The following AMN1 variants were observed in gnomAD, a reference collection of about 807,000 sequenced individuals.
AMN1 encodes antagonist of mitotic exit network 1 homolog.
A neutral mutation model predicts 33.0 loss-of-function variants in AMN1; 20 were observed. The ratio of observed to expected loss-of-function variants is 0.61; its 90% CI spans 0.43 to 0.88. The LOEUF is 0.88. Among genes scored for constraint, AMN1 ranks in the 40% least tolerant of loss-of-function variants. AMN1 has a pLI of 0.00. For synonymous variants in AMN1, 114 were observed against 111.9 expected, an observed-to-expected ratio of 1.02 and a Z score of -0.12; for missense variants, 246 against 307.4, an observed-to-expected ratio of 0.80 and a Z score of 1.49.
At position 31,683,956 on chromosome 12, in the gene AMN1, G is replaced by A. The variant is rs998427651; in HGVS notation, c.703+5051C>T. 3.9e-5 allele frequency among the ~76,000 whole-genome samples: 6 copies of A among 152,154 alleles called. No homozygotes were observed. The highest frequency in any genetic ancestry group is 3.8e-4 in the East Asian group (2 of 5,202). On this transcript the variant is annotated intron_variant, in intron 6 of 6. Coordinates refer to ENST00000281471, the MANE Select transcript of AMN1 (RefSeq NM_001113402.2). This position sits in a 1 kb window ranked among gnomAD's most constrained non-coding sequence, Gnocchi z 4.1. ...CTTTCAAGTGAATTTTGGAAGCCTCGTAGCTGCCACTGTGATCTTGAAAGC... is the reference window on the plus strand; with the variant it reads ...CTTTCAAGTGAATTTTGGAAGCCTCATAGCTGCCACTGTGATCTTGAAAGC...
In AMN1 at chr12:31,709,275, A is replaced by C; in HGVS notation, c.171+18T>G. Reference sequence around the variant, plus strand: ...AGAAAATATAATATGCTTGCTTTACAGTTATTCATACTCTTACCTCACTTA... The same window carrying C: ...AGAAAATATAATATGCTTGCTTTACCGTTATTCATACTCTTACCTCACTTA... On this transcript the variant is annotated intron_variant, in intron 2 of 6. Coordinates refer to ENST00000281471, the MANE Select transcript of AMN1 (RefSeq NM_001113402.2). 6.2e-7 allele frequency: 1 copy of C among 1,611,174 alleles called. No individual in the cohort carries two copies. The highest frequency in any genetic ancestry group is 8.5e-7 in the Non-Finnish European group (1 of 1,178,310).
At chr12:31,696,100 G>A (rs1186761940) in intron 5 of AMN1, among the ~76,000 whole-genome samples, 1 of 151,744 alleles carries the variant, frequency 6.6e-6, no homozygotes, top group Non-Finnish European at 1.5e-5. Flanking sequence ...AGCTGGATGT[G>A]GTGGCACATG....
intron 1 of AMN1, among the ~76,000 whole-genome samples, chr12:31,719,993 ATG>A (rs2139727896): frequency 6.6e-6 from 1 of 152,332 alleles, no homozygotes; most frequent in East Asian, 1.9e-4. Flanking sequence ...TGATACATGT[ATG>A]TGTGTATATA....
intron 1 of AMN1, among the ~76,000 whole-genome samples, chr12:31,713,037 A>T (rs1463242153): frequency 6.6e-6 from 1 of 152,108 alleles, no homozygotes; most frequent in African/African-American, 2.4e-5. Context: ...TTTCTTTTGG[A>T]TATTTACCCA....
intron 1 of AMN1, among the ~76,000 whole-genome samples, chr12:31,716,178 A>G (rs1434121404): frequency 6.6e-6 from 1 of 152,176 alleles, no homozygotes; most frequent in Non-Finnish European, 1.5e-5. Context: ...GTAGCTATAG[A>G]TTATTCATTT....
intron 3 of AMN1, among the ~76,000 whole-genome samples, chr12:31,698,382 A>G (rs1254146364): frequency 6.6e-6 from 1 of 152,224 alleles, no homozygotes; most frequent in Non-Finnish European, 1.5e-5. Flanking sequence ...CATGATCTTC[A>G]TGCTTGCGGT....
intron 1 of AMN1, among the ~76,000 whole-genome samples, chr12:31,727,054 CA>C (rs1940103876): frequency 6.6e-6 from 1 of 152,122 alleles, no homozygotes; most frequent in Admixed American, 6.5e-5. Context: ...ATGGTTTTGC[CA>C]TGTTGCCTAG....
intron 1 of AMN1, among the ~76,000 whole-genome samples, chr12:31,718,162 T>C (rs539185497): frequency 5.3e-5 from 8 of 152,124 alleles, no homozygotes; most frequent in South Asian, 2.1e-4. Flanking sequence ...TTTCAGTAAG[T>C]TGATCTTCAA....
At chr12:31,701,816 G>C (rs1939015487) in intron 3 of AMN1, 47 bp downstream of exon 3, 2 of 1,490,326 alleles carry the variant, frequency 1.3e-6, no homozygotes, top group Non-Finnish European at 1.8e-6. Flanking sequence ...AATTTTACCA[G>C]ATAGTGAATA....
chr12:31,674,430 C>T (rs1196350407), intron 6 of AMN1, among the ~76,000 whole-genome samples: 1 of 151,414 alleles, frequency 6.6e-6, no homozygotes, highest in Non-Finnish European at 1.5e-5. Context: ...AAGTGGGCAT[C>T]ATTGAGCACA....
chr12:31,692,839 ATTTTAATT>A (rs1938561754), intron 5 of AMN1, among the ~76,000 whole-genome samples: 1 of 152,188 alleles, frequency 6.6e-6, no homozygotes, highest in Admixed American at 6.5e-5. Flanking sequence ...AGCAAATTAA[ATTTTAATT>A]ATAAGGATTA....
Position 31,689,077 on chromosome 12 carries a change from A to G in AMN1, c.633T>C (p.Ala211=), listed in dbSNP as rs1274489365. 6.2e-7 allele frequency: 1 copy of G among 1,613,532 alleles called. No homozygotes were observed. Among genetic ancestry groups the G allele is most frequent in the Non-Finnish European group, 8.5e-7 (1 of 1,179,718 alleles). ...MGHCVNLTDG[A]VEAVLTYCPQ... ...GACAGTAAGTAAGGACAGCTTCGAC[A>G]GCCCCATCAGTCAGATTTACACAAT... The change falls in exon 6 of 7, where the codon GCT becomes GCC. Residue 211 remains alanine (A), a synonymous_variant. Transcript: ENST00000281471.
chr12:31,681,525 G>A (rs912809155), intron 6 of AMN1, among the ~76,000 whole-genome samples: 11 of 150,920 alleles, frequency 7.3e-5, no homozygotes, highest in Admixed American at 5.3e-4. Flanking sequence ...CACCATGCCC[G>A]GCCTCTTGCA....
Position 31,691,653 on chromosome 12 carries a change from T to G in AMN1, c.592-2535A>C, listed in dbSNP as rs1191135508. Reference sequence around the variant, plus strand: ...ATATTATGAAGCTATTATGTAAAATTTGAAAGCATATAAAACAAGGCTATA... The same window carrying G: ...ATATTATGAAGCTATTATGTAAAATGTGAAAGCATATAAAACAAGGCTATA... On this transcript the variant is annotated intron_variant, in intron 5 of 6. Coordinates refer to ENST00000281471, the MANE Select transcript of AMN1 (RefSeq NM_001113402.2). Among the ~76,000 whole-genome samples, 3 of 152,070 alleles carry G rather than the reference T, an allele frequency of 2.0e-5. No individual in the cohort carries two copies. In the East Asian group the frequency reaches 5.8e-4, roughly 29 times the overall value.
chr12:31,724,826 G>A (rs1016054373), intron 1 of AMN1, among the ~76,000 whole-genome samples: 1 of 152,190 alleles, frequency 6.6e-6, no homozygotes, highest in African/African-American at 2.4e-5. Context: ...CCCTCCAGCT[G>A]CAATAGCAGG....
At chr12:31,708,290 A>G (rs751545121) in intron 2 of AMN1, among the ~76,000 whole-genome samples, 3 of 152,082 alleles carry the variant, frequency 2.0e-5, no homozygotes, top group Admixed American at 6.5e-5. Flanking sequence ...AGGTCTATAA[A>G]TGGCCACTCT....
chr12:31,700,198 T>G (rs2139692048), intron 3 of AMN1, among the ~76,000 whole-genome samples: 1 of 149,652 alleles, frequency 6.7e-6, no homozygotes, highest in East Asian at 2.0e-4. Context: ...ACCTCGTCTC[T>G]ACTAAAAATA....
At chr12:31,704,975 CAT>C (rs1266993767) in intron 2 of AMN1, among the ~76,000 whole-genome samples, 1 of 152,156 alleles carries the variant, frequency 6.6e-6, no homozygotes, top group African/African-American at 2.4e-5. Flanking sequence ...CTATGAGTCA[CAT>C]ATAACATTAC....
chr12:31,700,610 CT>C (rs1252912649), intron 3 of AMN1, among the ~76,000 whole-genome samples: 1 of 151,780 alleles, frequency 6.6e-6, no homozygotes, highest in African/African-American at 2.4e-5. Context: ...CTGGTCATTT[CT>C]TCTTCCACTA....
Sources: allele counts gnomAD v4.1 joint callset (sites outside exome capture counted in the v4.1 genomes callset), GRCh38; gene constraint gnomAD v4.1.1; non-coding constraint Gnocchi (gnomAD v3.1); transcripts MANE v1.5; gene names NCBI Gene and HGNC (gene_info 2026-07-23, HGNC 2026-07-21).